Variants in SDK1 observed in about 807,000 individuals in gnomAD.
SDK1 encodes sidekick cell adhesion molecule 1.
In SDK1, 157 loss-of-function variants were observed where a neutral mutation model predicts 245.5. The ratio of observed to expected loss-of-function variants is 0.64; its 90% CI spans 0.56 to 0.73. The LOEUF (loss-of-function observed/expected upper bound fraction) is 0.73. SDK1 is among the 30% of genes least tolerant of loss of function. The pLI, the probability that SDK1 is intolerant of heterozygous loss-of-function variation, is 0.00. For synonymous variants in SDK1, 1,647 were observed against 1,278.5 expected (o/e 1.29, Z -6.15); for missense variants, 3,583 against 3,002.3 (o/e 1.19, Z -4.52).
chr7:3,466,174 A>G (rs894585395), intron 1 of SDK1, among the ~76,000 whole-genome samples: 1 of 151,702 alleles, frequency 6.6e-6, no homozygotes, highest in African/African-American at 2.4e-5. Context: ...CCTGTGGGAA[A>G]CTACCTGCCT....
chr7:4,169,604 C>T (rs937860185), intron 32 of SDK1, among the ~76,000 whole-genome samples: 1 of 152,230 alleles, frequency 6.6e-6, no homozygotes, highest in African/African-American at 2.4e-5. Flanking sequence ...GCACCCGGTG[C>T]ACTATAGCTC....
intron 5 of SDK1, among the ~76,000 whole-genome samples, chr7:3,921,156 C>T (rs1401472608): frequency 2.0e-5 from 3 of 152,076 alleles, no homozygotes; most frequent in Non-Finnish European, 4.4e-5. Flanking sequence ...ATTCTACAAC[C>T]CAGACATGTG....
chr7:4,072,751 C>G (rs1336105302), intron 20 of SDK1, among the ~76,000 whole-genome samples: 1 of 152,214 alleles, frequency 6.6e-6, no homozygotes, highest in Admixed American at 6.5e-5. Context: ...GGATGACTGA[C>G]GGCTTGGGCC....
intron 1 of SDK1, among the ~76,000 whole-genome samples, chr7:3,617,317 C>T (rs1200509862): frequency 6.6e-6 from 1 of 152,178 alleles, no homozygotes; most frequent in African/African-American, 2.4e-5. Flanking sequence ...GACTAATGTA[C>T]TGTAGAGTAA....
intron 40 of SDK1, among the ~76,000 whole-genome samples, chr7:4,231,817 C>T (rs1223360130): frequency 6.6e-6 from 1 of 152,164 alleles, no homozygotes; most frequent in African/African-American, 2.4e-5. Context: ...TACTGTTGGG[C>T]TAATCCATCT....
intron 5 of SDK1, among the ~76,000 whole-genome samples, chr7:3,833,719 A>G (rs1779966410): frequency 6.6e-6 from 1 of 152,238 alleles, no homozygotes. Context: ...CAAAAATGGT[A>G]CCATCATATT....
At chr7:4,192,778 C>T (rs1356403646) in intron 35 of SDK1, among the ~76,000 whole-genome samples, 1 of 151,954 alleles carries the variant, frequency 6.6e-6, no homozygotes, top group Non-Finnish European at 1.5e-5. Flanking sequence ...CCTGCACTCG[C>T]CACCAGCTCA....
At chr7:4,137,887 C>T (rs1431648118) in intron 28 of SDK1, among the ~76,000 whole-genome samples, 1 of 152,206 alleles carries the variant, frequency 6.6e-6, no homozygotes, top group Non-Finnish European at 1.5e-5. Flanking sequence ...TCTAAAAATG[C>T]AAGGACTGCT....
At chr7:3,690,683 T>C (rs980024531) in intron 4 of SDK1, among the ~76,000 whole-genome samples, 1 of 152,206 alleles carries the variant, frequency 6.6e-6, no homozygotes, top group Non-Finnish European at 1.5e-5. Context: ...GGTCTTCTTT[T>C]GTAAGATTCC....
chr7:3,967,581 A>C (rs1452516569), intron 10 of SDK1, 147 bp downstream of exon 10: 13 of 618,980 alleles, frequency 2.1e-5, no homozygotes, highest in South Asian at 6.0e-5. Flanking sequence ...GCAGTCCCCA[A>C]CCTTTTTGGC....
intron 29 of SDK1, 94 bp from the exon 30 acceptor site, chr7:4,149,168 C>T (rs933935737): frequency 5.0e-6 from 5 of 1,003,236 alleles, no homozygotes; most frequent in African/African-American, 3.4e-5. Context: ...CATGGGCAAG[C>T]AGTCAGCCCT....
At chr7:3,454,490 C>A (rs2204122) in intron 1 of SDK1, among the ~76,000 whole-genome samples, 51,259 of 150,698 alleles carry the variant, frequency 0.34, 11,419 homozygotes, top group African/African-American at 0.64. Context: ...AGTCAAGATA[C>A]AAAATAGTTG....
At chr7:3,331,237 C>T (rs931675837) in intron 1 of SDK1, among the ~76,000 whole-genome samples, 1 of 152,160 alleles carries the variant, frequency 6.6e-6, no homozygotes, top group Non-Finnish European at 1.5e-5. Flanking sequence ...GCACTCCAGT[C>T]TGGCAACAAA....
chr7:3,691,431 A>C (rs1784434700), intron 4 of SDK1, among the ~76,000 whole-genome samples: 1 of 152,218 alleles, frequency 6.6e-6, no homozygotes, highest in South Asian at 2.1e-4. Flanking sequence ...TGAAGAAACA[A>C]CTGGAGTCCA....
At position 3,977,458 on chromosome 7, in the gene SDK1, G is replaced by A. The variant is rs368035843; in HGVS notation, c.1994+2913G>A. Among the ~76,000 whole-genome samples, 149 of 152,264 alleles carry A rather than the reference G, an allele frequency of 9.8e-4. 5 individuals are homozygous for A. The South Asian group carries it at 0.028, about 29-fold the overall frequency. ...TCCTCCAGCTTTTGTGTACGCATGG[G>A]GCAGCCAGGTTTCCCCCAGCCCCTG... On this transcript the variant is annotated intron_variant, in intron 13 of 44. Transcript: ENST00000404826.
At chr7:4,021,537 A>G (rs1372768900) in intron 17 of SDK1, among the ~76,000 whole-genome samples, 1 of 152,222 alleles carries the variant, frequency 6.6e-6, no homozygotes, top group African/African-American at 2.4e-5. Context: ...CTCCGAGGTC[A>G]TCAGAGATTC....
chr7:3,302,041 C>T, intron 1 of SDK1, 157 bp downstream of exon 1: 2 of 443,882 alleles, frequency 4.5e-6, no homozygotes, highest in Non-Finnish European at 6.2e-6. Context: ...TCCTCCACGC[C>T]AGACTCGGAG....
intron 18 of SDK1, among the ~76,000 whole-genome samples, chr7:4,051,226 A>G (rs967012147): frequency 4.9e-5 from 7 of 142,302 alleles, no homozygotes; most frequent in Admixed American, 2.2e-4. Flanking sequence ...AACATATACT[A>G]TATATGTTAT....
intron 5 of SDK1, among the ~76,000 whole-genome samples, chr7:3,933,470 C>T (rs191365737): frequency 2.0e-5 from 3 of 152,018 alleles, no homozygotes; most frequent in Non-Finnish European, 4.4e-5. Flanking sequence ...TTGGAATGAA[C>T]GCTATCAAAG....
Sources: gnomAD v4.1 joint callset for allele counts (sites outside exome capture counted in the v4.1 genomes callset) on GRCh38, gnomAD v4.1.1 for gene constraint, MANE v1.5 for transcripts, NCBI Gene and HGNC (gene_info 2026-07-23, HGNC 2026-07-21) for gene names.